Variants in GTF2H3 observed in about 807,000 individuals in gnomAD.
GTF2H3 encodes the protein TFIIH basal transcription factor complex p34 subunit.
Under a neutral mutation model 51.1 loss-of-function variants are expected in GTF2H3, and 42 were observed. That is an observed-to-expected ratio of 0.82 (90% CI 0.64 to 1.06). GTF2H3 has a LOEUF of 1.06. Ranked by LOEUF, GTF2H3 falls within the 50% of genes least tolerant of loss-of-function variation. The probability of loss-of-function intolerance (pLI) is 0.00; values close to 1 mark genes in which losing one functional copy is unlikely to be tolerated. For missense variants in GTF2H3, 326 were observed against 366.1 expected, an observed-to-expected ratio of 0.89 and a Z score of 0.89; for synonymous variants, 123 against 123.8, an observed-to-expected ratio of 0.99 and a Z score of 0.04.
intron 9 of GTF2H3, among the ~76,000 whole-genome samples, chr12:123,659,020 C>T (rs1955620946): frequency 6.6e-6 from 1 of 152,206 alleles, no homozygotes; most frequent in Non-Finnish European, 1.5e-5. Flanking sequence ...CTTCACTCCA[C>T]TAGGACACAT....
intron 3 of GTF2H3, among the ~76,000 whole-genome samples, chr12:123,647,475 A>G (rs1313073105): frequency 6.6e-6 from 1 of 152,152 alleles, no homozygotes; most frequent in South Asian, 2.1e-4. Context: ...GTGTCTCAAA[A>G]AAAAAAAGAG....
At chr12:123,641,960 TCTC>T (rs1325496406) in intron 2 of GTF2H3, among the ~76,000 whole-genome samples, 6 of 152,016 alleles carry the variant, frequency 3.9e-5, no homozygotes, top group African/African-American at 1.2e-4. Flanking sequence ...TTCAAGCAAT[TCTC>T]CTGCCTCAGC....
intron 1 of GTF2H3, among the ~76,000 whole-genome samples, chr12:123,634,235 G>A (rs900048577): frequency 1.3e-5 from 2 of 152,138 alleles, no homozygotes; most frequent in African/African-American, 4.8e-5. Flanking sequence ...GAAGCCGGGA[G>A]TTCGAGACCT....
chr12:123,638,401 C>A (rs569472661), intron 1 of GTF2H3, among the ~76,000 whole-genome samples: 1 of 151,500 alleles, frequency 6.6e-6, no homozygotes, highest in South Asian at 2.1e-4. Flanking sequence ...GAACTTATGA[C>A]CTCAAGTGAT....
At chr12:123,640,211 T>A (rs991732287) in intron 2 of GTF2H3, among the ~76,000 whole-genome samples, 1 of 152,154 alleles carries the variant, frequency 6.6e-6, no homozygotes, top group Non-Finnish European at 1.5e-5. Context: ...GACCACACCT[T>A]CTTTGCCTGT....
intron 1 of GTF2H3, among the ~76,000 whole-genome samples, chr12:123,638,540 G>C (rs1258139470): frequency 1.2e-4 from 19 of 152,032 alleles, no homozygotes; most frequent in Admixed American, 1.2e-3. Flanking sequence ...GAACTTCTGA[G>C]CTCAAGCCAT....
rs1296072327 is a variant in GTF2H3, at chr12:123,661,255, A to C, written c.*1020A>C. On this transcript the variant is annotated 3_prime_UTR_variant, in exon 13 of 13. Transcript: ENST00000543341. Reference sequence around the variant, plus strand: ...AACAAAAAATGTATTTCTTTATGTAATCTTGAAATTATTAAAAGTCCTTTT... The same window carrying C: ...AACAAAAAATGTATTTCTTTATGTACTCTTGAAATTATTAAAAGTCCTTTT... The C allele has an allele frequency of 6.6e-6, 1 of 152,234 alleles. No homozygotes were observed. The highest frequency in any genetic ancestry group is 1.5e-5 in the Non-Finnish European group (1 of 68,042). The allele number at this position is 152,234 out of a possible 1,614,324, so 9.4% of individuals were successfully genotyped here.
At chr12:123,643,020 C>G (rs1204443281) in intron 2 of GTF2H3, among the ~76,000 whole-genome samples, 2 of 152,080 alleles carry the variant, frequency 1.3e-5, no homozygotes, top group African/African-American at 4.8e-5. Context: ...TACAGGCACA[C>G]GTCACCATGC....
intron 11 of GTF2H3, 43 bp from the exon 12 acceptor site, chr12:123,660,002 GT>G: frequency 6.3e-7 from 1 of 1,589,706 alleles, no homozygotes; most frequent in Non-Finnish European, 8.5e-7. Flanking sequence ...CAGCTGTGTT[GT>G]TTTTCAGCCA....
chr12:123,639,151 C>A, intron 1 of GTF2H3, 113 bp from the exon 2 acceptor site: 1 of 631,298 alleles, frequency 1.6e-6, no homozygotes, highest in South Asian at 1.9e-5. Context: ...AGGTGATAAA[C>A]ATTTAAGGCA....
chr12:123,656,999 G>T (rs1219076695), intron 9 of GTF2H3, among the ~76,000 whole-genome samples: 1 of 152,038 alleles, frequency 6.6e-6, no homozygotes, highest in African/African-American at 2.4e-5. Context: ...GAGGCAGGAG[G>T]ATTGCTTGAG....
chr12:123,659,996 T>G (rs148192814), intron 11 of GTF2H3, 50 bp from the exon 12 acceptor site: 25 of 1,594,920 alleles, frequency 1.6e-5, no homozygotes, highest in Non-Finnish European at 2.1e-5. Flanking sequence ...GTTTCTCAGC[T>G]GTGTTGTTTT....
rs894244796 is a variant in GTF2H3 at position 123,634,956 on chromosome 12, T to C, written c.13+1084T>C. On this transcript the variant is annotated intron_variant, in intron 1 of 12. Transcript: ENST00000543341. ...TTTTAAAAGATCACTGTGGCTGTTGTGTGGAAAATGGACTGTGGGGAGCAA... is the reference window on the plus strand; with the variant it reads ...TTTTAAAAGATCACTGTGGCTGTTGCGTGGAAAATGGACTGTGGGGAGCAA... 3.9e-5 allele frequency among the ~76,000 whole-genome samples: 6 copies of C among 152,322 alleles called. No homozygotes were observed. In the South Asian group the frequency reaches 1.0e-3, roughly 26 times the overall value.
At chr12:123,640,585 A>G (rs927403044) in intron 2 of GTF2H3, among the ~76,000 whole-genome samples, 3 of 151,880 alleles carry the variant, frequency 2.0e-5, no homozygotes, top group African/African-American at 7.3e-5. Flanking sequence ...TGATCTGCCT[A>G]CCTCGGCCTC....
Position 123,647,966 on chromosome 12 carries a change from A to G in GTF2H3, c.204A>G (p.Arg68=). The G allele has an allele frequency of 6.2e-7, 1 of 1,611,398 alleles. No individual in the cohort carries two copies. Among genetic ancestry groups the G allele is most frequent in the Non-Finnish European group, 8.5e-7 (1 of 1,179,224 alleles). Residue 68 remains arginine, a synonymous_variant, in exon 4 of 13, where the codon CGA becomes CGG. Coordinates refer to ENST00000543341, the MANE Select transcript of GTF2H3 (RefSeq NM_001516.5). ...GTTTTTTCCCCTGCTGTTTCAGCCG[A>G]TTCTTATATCCTGGAAAGAATGGCA... ...AVIASHIQES[R]FLYPGKNGRL... is the part of the protein sequence containing the mutation.
At chr12:123,644,407 C>T (rs956152364) in intron 2 of GTF2H3, among the ~76,000 whole-genome samples, 1 of 152,080 alleles carries the variant, frequency 6.6e-6, no homozygotes, top group Non-Finnish European at 1.5e-5. Context: ...GTGGCTCACG[C>T]CTGTAATCCC....
chr12:123,651,173 G>T, intron 5 of GTF2H3, 117 bp downstream of exon 5: 1 of 665,670 alleles, frequency 1.5e-6, no homozygotes, highest in Non-Finnish European at 2.7e-6. Flanking sequence ...ACTCTGAAGT[G>T]GAGGGTAATT....
Position 123,639,273 on chromosome 12 carries a change from T to G in GTF2H3, c.23T>G (p.Leu8Trp), listed in dbSNP as rs1955333170. MVSDEDE[L>W]NLLVIVVDAN... ...TTGTTAATATTTTCAGAAGATGAAT[T>G]GAATCTTCTGGTTATTGTAGTTGAT... Residue 8 changes from leucine to tryptophan, a missense_variant, in exon 2 of 13, where the codon TTG (leucine) becomes TGG (tryptophan). Coordinates refer to ENST00000543341, the MANE Select transcript of GTF2H3 (RefSeq NM_001516.5). 6.6e-7 allele frequency: 1 copy of G among 1,511,656 alleles called. No homozygotes were observed. The highest frequency in any genetic ancestry group is 9.2e-7 in the Non-Finnish European group (1 of 1,088,112). 93.6% of individuals were successfully genotyped at this position (1,511,656 alleles called of 1,614,324 possible).
At chr12:123,639,924 T>C (rs1047841362) in intron 2 of GTF2H3, 23 of 455,732 alleles carry the variant, frequency 5.0e-5, no homozygotes, top group Non-Finnish European at 8.8e-5. Flanking sequence ...TCTGTGCAGT[T>C]TTACCACATT....
Sources: gnomAD v4.1 joint callset for allele counts (sites outside exome capture counted in the v4.1 genomes callset) on GRCh38, gnomAD v4.1.1 for gene constraint, MANE v1.5 for transcripts, NCBI Gene and HGNC (gene_info 2026-07-23, HGNC 2026-07-21) for gene names.